Variants in NOL4 observed in about 807,000 individuals in gnomAD.
NOL4 encodes the protein nucleolar protein 4, also known as cancer/testis antigen 125.
NOL4 carries 17 observed loss-of-function variants against 75.9 expected under a neutral mutation model. That is an observed-to-expected ratio of 0.22 (90% CI 0.15 to 0.34). The LOEUF (loss-of-function observed/expected upper bound fraction) is 0.34. Among genes scored for constraint, NOL4 ranks in the 10% least tolerant of loss-of-function variants. The pLI is 1.00. For missense variants in NOL4, 614 were observed against 793.5 expected, an observed-to-expected ratio of 0.77 and a Z score of 2.72; for synonymous variants, 292 against 289.9, an observed-to-expected ratio of 1.01 and a Z score of -0.07.
chr18:33,897,902 T>TA (rs1004183646), intron 9 of NOL4, among the ~76,000 whole-genome samples: 5 of 152,108 alleles, frequency 3.3e-5, no homozygotes, highest in African/African-American at 1.2e-4. Context: ...CCATTTATTT[T>TA]AAAAAATCTC....
In NOL4 at chr18:33,933,584, AATTCACAGC is replaced by A. The variant is rs1407283171; in HGVS notation, c.1542+9472_1542+9480del. 3.9e-5 allele frequency among the ~76,000 whole-genome samples: 6 copies of A among 152,172 alleles called. No homozygotes were observed. In the East Asian group the frequency reaches 9.6e-4, roughly 24 times the overall value. On this transcript the variant is annotated intron_variant, in intron 9 of 10. Transcript: ENST00000261592. The stretch of plus-strand genomic sequence containing the variant: ...TTAAAGCTTTGTTTTTATTCAACAG[AATTCACAGC>A]ATTTTGACCAGCAGTGGATTCTATC...
intron 6 of NOL4, among the ~76,000 whole-genome samples, chr18:34,011,606 GA>G (rs895300068): frequency 1.6e-4 from 24 of 150,596 alleles, no homozygotes; most frequent in African/African-American, 5.6e-4. Context: ...AACTCAAGTG[GA>G]AAAAGACAAG....
intron 9 of NOL4, among the ~76,000 whole-genome samples, chr18:33,922,557 G>C (rs540095342): frequency 6.6e-6 from 1 of 152,242 alleles, no homozygotes; most frequent in Non-Finnish European, 1.5e-5. Context: ...CTGTATTACA[G>C]AGACCTTTAG....
At chr18:34,212,420 T>TC (rs1351974812) in intron 1 of NOL4, among the ~76,000 whole-genome samples, 2 of 152,246 alleles carry the variant, frequency 1.3e-5, no homozygotes, top group African/African-American at 4.8e-5. Context: ...AATACGCTTG[T>TC]TAAAAATTGA....
chr18:33,908,262 A>G (rs891451285), intron 9 of NOL4, among the ~76,000 whole-genome samples: 2 of 152,198 alleles, frequency 1.3e-5, no homozygotes, highest in Admixed American at 1.3e-4. Context: ...AAAACTAGCC[A>G]TCACAGTAAA....
intron 1 of NOL4, among the ~76,000 whole-genome samples, chr18:34,134,006 G>T (rs2080778969): frequency 6.6e-6 from 1 of 152,272 alleles, no homozygotes; most frequent in Non-Finnish European, 1.5e-5. Context: ...CCGAGCCACA[G>T]AGTGAGACTT....
rs1023516907 is a variant in NOL4, at chr18:34,172,325, A to G, written c.265-42305T>C. 2.0e-5 allele frequency among the ~76,000 whole-genome samples: 3 copies of G among 152,260 alleles called. No individual in the cohort carries two copies. In the East Asian group the frequency reaches 5.8e-4, roughly 29 times the overall value. On this transcript the variant is annotated intron_variant, in intron 1 of 10. Transcript: ENST00000261592. ...TAAATGCTGATTAAAGTAAAAAATC[A>G]ACTTATACTTCCAAGTAAATTAAAA...
intron 6 of NOL4, among the ~76,000 whole-genome samples, chr18:33,976,980 G>T (rs1265929724): frequency 2.3e-4 from 35 of 152,058 alleles, no homozygotes; most frequent in Non-Finnish European, 4.4e-5. Flanking sequence ...CTCTTAGGTT[G>T]CATATAGAAT....
chr18:33,860,217 G>A (rs1314087729), intron 10 of NOL4, among the ~76,000 whole-genome samples: 2 of 152,058 alleles, frequency 1.3e-5, no homozygotes, highest in Non-Finnish European at 1.5e-5. Context: ...CAAAACACAT[G>A]GGGATAATGG....
intron 1 of NOL4, among the ~76,000 whole-genome samples, chr18:34,142,004 A>T (rs2081189672): frequency 1.3e-5 from 2 of 152,050 alleles, no homozygotes; most frequent in African/African-American, 4.8e-5. Flanking sequence ...AACAACCCCA[A>T]CAAAAAGTGG....
intron 6 of NOL4, among the ~76,000 whole-genome samples, chr18:33,989,113 A>C (rs2072711819): frequency 7.2e-6 from 1 of 138,178 alleles, no homozygotes. Context: ...AACTGAGCCC[A>C]GGAGGTCGAG....
At chr18:33,905,221 C>G (rs897624415) in intron 9 of NOL4, among the ~76,000 whole-genome samples, 3 of 152,150 alleles carry the variant, frequency 2.0e-5, no homozygotes, top group African/African-American at 7.2e-5. Context: ...CTAGCAGGAT[C>G]ACTCATCCCA....
chr18:34,089,773 A>C (rs1010998418), intron 5 of NOL4, among the ~76,000 whole-genome samples: 22 of 152,364 alleles, frequency 1.4e-4, no homozygotes, highest in African/African-American at 5.3e-4. Flanking sequence ...AACATGCAGC[A>C]GGTAGAGGCC....
At chr18:34,010,725 T>C (rs959056376) in intron 6 of NOL4, among the ~76,000 whole-genome samples, 8 of 151,864 alleles carry the variant, frequency 5.3e-5, no homozygotes, top group African/African-American at 1.9e-4. Flanking sequence ...CATTATTGCC[T>C]GTCTGTTGAA....
intron 10 of NOL4, among the ~76,000 whole-genome samples, chr18:33,864,401 C>T (rs1455885936): frequency 2.0e-5 from 3 of 152,136 alleles, no homozygotes; most frequent in Admixed American, 2.0e-4. Context: ...TTCAAAGTTC[C>T]ACAGATCTAG....
chr18:34,062,689 G>A (rs973117183), intron 5 of NOL4, among the ~76,000 whole-genome samples: 1 of 151,990 alleles, frequency 6.6e-6, no homozygotes, highest in African/African-American at 2.4e-5. Flanking sequence ...TTACTCAAAT[G>A]TCCAACTTTT....
chr18:34,109,230 G>A (rs1568352807), intron 2 of NOL4, among the ~76,000 whole-genome samples: 2 of 151,976 alleles, frequency 1.3e-5, no homozygotes, highest in African/African-American at 4.8e-5. Flanking sequence ...AAAAAAAAGA[G>A]CCAGAAGTGG....
chr18:34,077,855 T>C (rs894009721), intron 5 of NOL4, among the ~76,000 whole-genome samples: 3 of 152,164 alleles, frequency 2.0e-5, no homozygotes, highest in Non-Finnish European at 4.4e-5. Context: ...TTTTCAAATG[T>C]GCCAAAATGT....
In NOL4 at chr18:34,089,275, A is replaced by G. The variant is rs144958627; in HGVS notation, c.772+4190T>C. 4.9e-4 allele frequency among the ~76,000 whole-genome samples: 74 copies of G among 152,304 alleles called. No homozygotes were observed. In the East Asian group the frequency reaches 0.013, roughly 27 times the overall value. ...AATCTTAATCACTTAATGTTAAAAA[A>G]AAATTTTAATTTAACTTAAAATAAT... is the stretch of plus-strand genomic sequence containing the variant. On this transcript the variant is annotated intron_variant, in intron 5 of 10. Coordinates refer to ENST00000261592, the MANE Select transcript of NOL4 (RefSeq NM_003787.5).
Sources: gnomAD v4.1 joint callset for allele counts (sites outside exome capture counted in the v4.1 genomes callset) on GRCh38, gnomAD v4.1.1 for gene constraint, MANE v1.5 for transcripts, NCBI Gene and HGNC (gene_info 2026-07-23, HGNC 2026-07-21) for gene names.